Variants in CUX1 observed in about 807,000 individuals in gnomAD.
The protein encoded by CUX1 is cut like homeobox 1.
Under a neutral mutation model 158.8 loss-of-function variants are expected in CUX1, and 31 were observed. The observed-to-expected ratio is 0.20, with a 90% CI of 0.15 to 0.26. The LOEUF (loss-of-function observed/expected upper bound fraction) is 0.26, where lower values mean the gene tolerates loss of function less well. CUX1 is among the 10% of genes least tolerant of loss of function. The pLI is 1.00. For synonymous variants in CUX1, 879 were observed against 862.1 expected, an observed-to-expected ratio of 1.02 and a Z score of -0.34; for missense variants, 1,589 against 2,014.6, an observed-to-expected ratio of 0.79 and a Z score of 4.04.
At chr7:102,019,071 A>C (rs927640743) in intron 2 of CUX1, among the ~76,000 whole-genome samples, 1 of 152,140 alleles carries the variant, frequency 6.6e-6, no homozygotes, top group South Asian at 2.1e-4. Flanking sequence ...GTGCTGCCAG[A>C]TCACGGCCTC....
chr7:101,842,135 CAT>C (rs1181265237), intron 1 of CUX1, among the ~76,000 whole-genome samples: 8 of 152,086 alleles, frequency 5.3e-5, no homozygotes, highest in Non-Finnish European at 1.2e-4. Flanking sequence ...ATTTTTATCA[CAT>C]ATGGTCAGAG....
intron 8 of CUX1, chr7:102,125,415 TA>T (rs1212023940): frequency 1.3e-5 from 2 of 152,410 alleles, no homozygotes; most frequent in East Asian, 3.9e-4. Flanking sequence ...CTGCCCCCAG[TA>T]AAATTCCTTA....
At chr7:101,828,026 GAGT>G (rs983630836) in intron 1 of CUX1, among the ~76,000 whole-genome samples, 8 of 149,222 alleles carry the variant, frequency 5.4e-5, no homozygotes, top group Non-Finnish European at 1.0e-4. Context: ...ACCCAGGCTG[GAGT>G]GCGGTGGCGG....
At chr7:101,968,010 T>A (rs1420264450) in intron 2 of CUX1, among the ~76,000 whole-genome samples, 8 of 152,044 alleles carry the variant, frequency 5.3e-5, no homozygotes, top group African/African-American at 1.9e-4. Context: ...TTCAAGCAGC[T>A]CCCCCTGCCT....
chr7:102,181,486 T>G (rs1357537760), intron 11 of CUX1, among the ~76,000 whole-genome samples: 1 of 152,178 alleles, frequency 6.6e-6, no homozygotes, highest in Non-Finnish European at 1.5e-5. Flanking sequence ...ATAGAGCAAT[T>G]TCTTCCAAAT....
At chr7:102,274,674 C>T (rs1377916624) in intron 16 of CUX1, among the ~76,000 whole-genome samples, 1 of 152,186 alleles carries the variant, frequency 6.6e-6, no homozygotes, top group South Asian at 2.1e-4. Context: ...AGACTGACAC[C>T]CCCCACCTTG....
chr7:102,193,987 G>A, intron 13 of CUX1, 97 bp downstream of exon 13: 1 of 1,192,692 alleles, frequency 8.4e-7, no homozygotes, highest in Non-Finnish European at 1.2e-6. Flanking sequence ...GTTTCTACGA[G>A]ACCTCTCACT....
At chr7:101,838,636 C>G (rs1794889967) in intron 1 of CUX1, among the ~76,000 whole-genome samples, 1 of 151,694 alleles carries the variant, frequency 6.6e-6, no homozygotes, top group Non-Finnish European at 1.5e-5. Flanking sequence ...ACCCCCGTCT[C>G]TACTAAAATA....
chr7:102,096,534 A>G (rs994187601), intron 4 of CUX1, among the ~76,000 whole-genome samples: 3 of 152,076 alleles, frequency 2.0e-5, no homozygotes, highest in Non-Finnish European at 4.4e-5. Flanking sequence ...GGAAGACCCT[A>G]TCTTTACCAA....
intron 2 of CUX1, among the ~76,000 whole-genome samples, chr7:101,952,756 C>T (rs1344377683): frequency 1.3e-5 from 2 of 152,194 alleles, no homozygotes; most frequent in South Asian, 2.1e-4. Context: ...GGTCTCAGCT[C>T]GGGGCTTACC....
intron 7 of CUX1, among the ~76,000 whole-genome samples, chr7:102,114,485 C>G (rs1287176944): frequency 6.6e-6 from 1 of 152,180 alleles, no homozygotes; most frequent in African/African-American, 2.4e-5. Flanking sequence ...CCATTTTGGC[C>G]AGGCTGGTCT....
rs1441207737 is a variant in CUX1 at position 102,201,502 on chromosome 7, G to A, written c.2205G>A (p.Gln735=). The change falls in exon 18 of 24, where the codon CAG becomes CAA. Residue 735 remains glutamine, a synonymous_variant. Transcript: ENST00000292535. The surrounding 1 kb of genome is among the most constrained non-coding windows in gnomAD (Gnocchi z 5.0). ...DPALKQAPLS[Q]SDITILTPKL... ...CCTTAAAGCAGGCACCACTGTCCCA[G>A]AGTGACATCACCATCCTCACCCCCA... The A allele has an allele frequency of 6.2e-7, 1 of 1,614,042 alleles. No individual in the cohort carries two copies. Among genetic ancestry groups the A allele is most frequent in the Non-Finnish European group, 8.5e-7 (1 of 1,180,042 alleles).
At chr7:101,966,160 G>C (rs1331399425) in intron 2 of CUX1, among the ~76,000 whole-genome samples, 1 of 152,020 alleles carries the variant, frequency 6.6e-6, no homozygotes, top group Non-Finnish European at 1.5e-5. Flanking sequence ...AACCTCCCCG[G>C]GCTCAGCTGA....
intron 2 of CUX1, among the ~76,000 whole-genome samples, chr7:101,968,023 G>T (rs1185986903): frequency 6.6e-6 from 1 of 152,064 alleles, no homozygotes; most frequent in Non-Finnish European, 1.5e-5. Context: ...CCCTGCCTCA[G>T]CCTCCCAAGT....
chr7:102,055,823 C>T (rs952398842), intron 3 of CUX1, among the ~76,000 whole-genome samples: 2 of 152,142 alleles, frequency 1.3e-5, no homozygotes, highest in Non-Finnish European at 2.9e-5. Context: ...ACTTCTTGCA[C>T]CAGTTAGCCC....
chr7:102,025,346 G>A (rs1202370915), intron 2 of CUX1, among the ~76,000 whole-genome samples: 1 of 152,120 alleles, frequency 6.6e-6, no homozygotes, highest in Non-Finnish European at 1.5e-5. Context: ...GAGATTGGTG[G>A]CCAGGCATGG....
chr7:102,133,762 A>G (rs1440671943), intron 8 of CUX1, among the ~76,000 whole-genome samples: 1 of 152,076 alleles, frequency 6.6e-6, no homozygotes, highest in Non-Finnish European at 1.5e-5. Flanking sequence ...GGCGTGAGCC[A>G]CCACACTCGG....
chr7:102,179,742 C>T (rs1459199279), intron 11 of CUX1, among the ~76,000 whole-genome samples: 3 of 152,228 alleles, frequency 2.0e-5, no homozygotes, highest in African/African-American at 4.8e-5. Context: ...GGGAGACTCT[C>T]GGAGTTGTCT....
rs142739824 is a variant in CUX1, at chr7:102,237,857, A to G, written c.3623-1463A>G. Among the ~76,000 whole-genome samples, 400 of 152,314 alleles carry G rather than the reference A, an allele frequency of 2.6e-3. 2 individuals carry two copies. The highest frequency in any genetic ancestry group is 9.2e-3 in the African/African-American group (384 of 41,572). On this transcript the variant is annotated intron_variant, in intron 22 of 23. Transcript: ENST00000292535. The stretch of plus-strand genomic sequence containing the variant: ...CAAAGGGGCAGGATAAGGAGAGTGA[A>G]CCATCTCCAATCATAGGTAAGGCCA...
Sources: gnomAD v4.1 joint callset for allele counts (sites outside exome capture counted in the v4.1 genomes callset) on GRCh38, gnomAD v4.1.1 for gene constraint, Gnocchi (gnomAD v3.1) non-coding constraint, MANE v1.5 for transcripts, NCBI Gene and HGNC (gene_info 2026-07-23, HGNC 2026-07-21) for gene names.